The following FGF1 variants were observed in gnomAD, a reference collection of about 807,000 sequenced individuals.
FGF1 encodes beta-endothelial cell growth factor.
A neutral mutation model predicts 13.4 loss-of-function variants in FGF1; 9 were observed. That is an observed-to-expected ratio of 0.67 (90% confidence interval 0.40 to 1.17). The LOEUF is 1.17. FGF1 is among the 50% of genes most tolerant of loss of function. FGF1 has a pLI of 0.01. For synonymous variants in FGF1, 93 were observed against 79.0 expected (o/e 1.18, Z -0.94); for missense variants, 156 against 192.7 (o/e 0.81, Z 1.13).
chr5:142,694,908 G>A (rs1240304488), intron 2 of FGF1, among the ~76,000 whole-genome samples: 1 of 152,118 alleles, frequency 6.6e-6, no homozygotes, highest in Non-Finnish European at 1.5e-5. Context: ...TAGAGGTACT[G>A]GGCACCCAGG....
chr5:142,676,605 AC>A (rs1265749060), intron 1 of FGF1, among the ~76,000 whole-genome samples: 3 of 152,214 alleles, frequency 2.0e-5, no homozygotes, highest in Non-Finnish European at 4.4e-5. Flanking sequence ...ATGCTACCCT[AC>A]CAGAGTGCCA....
intron 1 of FGF1, among the ~76,000 whole-genome samples, chr5:142,625,140 G>A (rs1365396566): frequency 6.6e-6 from 1 of 152,152 alleles, no homozygotes; most frequent in Non-Finnish European, 1.5e-5. Flanking sequence ...GGAGTTTACA[G>A]TCTAGCCACA....
intron 1 of FGF1, among the ~76,000 whole-genome samples, chr5:142,620,310 G>C (rs1761297102): frequency 6.6e-6 from 1 of 152,008 alleles, no homozygotes; most frequent in Non-Finnish European, 1.5e-5. Flanking sequence ...CCCAGCTGCT[G>C]GGGAGGCTGA....
At chr5:142,614,309 C>G (rs1190231359) in intron 1 of FGF1, 148 bp from the exon 2 acceptor site, 1 of 629,622 alleles carries the variant, frequency 1.6e-6, no homozygotes, top group Non-Finnish European at 2.7e-6. Flanking sequence ...GTCCGCGGGC[C>G]TGTGAGGTGG....
At chr5:142,694,503 C>T (rs757118421) in intron 2 of FGF1, among the ~76,000 whole-genome samples, 2 of 152,198 alleles carry the variant, frequency 1.3e-5, no homozygotes, top group Non-Finnish European at 2.9e-5. Context: ...CTGCATCAGC[C>T]GAGTCCAGTG....
At chr5:142,600,397 G>A (rs1475289829) in intron 3 of FGF1, among the ~76,000 whole-genome samples, 1 of 152,000 alleles carries the variant, frequency 6.6e-6, no homozygotes, top group African/African-American at 2.4e-5. Flanking sequence ...TTTTTGGAAT[G>A]AATGAATGAA....
At chr5:142,642,150 T>C (rs1765302271) in intron 1 of FGF1, among the ~76,000 whole-genome samples, 1 of 152,182 alleles carries the variant, frequency 6.6e-6, no homozygotes, top group African/African-American at 2.4e-5. Flanking sequence ...CATCCACCAC[T>C]GTCAGAGAAG....
At chr5:142,687,738 A>G (rs974507934), upstream of FGF1, among the ~76,000 whole-genome samples, 2 of 152,182 alleles carry the variant, frequency 1.3e-5, no homozygotes, top group Non-Finnish European at 2.9e-5. Flanking sequence ...TAAAAATCCT[A>G]AGGACAGAGA....
chr5:142,634,001 G>C (rs1283427068), intron 1 of FGF1, among the ~76,000 whole-genome samples: 2 of 150,494 alleles, frequency 1.3e-5, no homozygotes, highest in Non-Finnish European at 3.0e-5. Flanking sequence ...TGGCTAACAC[G>C]GTGAAACCCT....
chr5:142,622,505 C>A (rs774459719), intron 1 of FGF1, among the ~76,000 whole-genome samples: 3 of 152,140 alleles, frequency 2.0e-5, no homozygotes, highest in Non-Finnish European at 4.4e-5. Flanking sequence ...AGGCTCAAAC[C>A]CTGTCCTCAT....
intron 1 of FGF1, among the ~76,000 whole-genome samples, chr5:142,659,555 A>G (rs1768809427): frequency 6.6e-6 from 1 of 152,150 alleles, no homozygotes; most frequent in African/African-American, 2.4e-5. Context: ...TTTGAAGCAG[A>G]ATGATGAAAG....
chr5:142,615,474 G>A (rs891557504), intron 1 of FGF1, among the ~76,000 whole-genome samples: 9 of 152,162 alleles, frequency 5.9e-5, no homozygotes, highest in African/African-American at 9.7e-5. Flanking sequence ...CGCCTGCCTC[G>A]GCCTCCCAAA....
intron 3 of FGF1, among the ~76,000 whole-genome samples, chr5:142,598,289 A>C (rs1755727023): frequency 6.6e-6 from 1 of 152,198 alleles, no homozygotes; most frequent in South Asian, 2.1e-4. Flanking sequence ...GACACACACA[A>C]AATAGCTGAG....
intron 1 of FGF1, among the ~76,000 whole-genome samples, chr5:142,631,986 A>G (rs772158616): frequency 1.3e-5 from 2 of 152,076 alleles, no homozygotes; most frequent in African/African-American, 2.4e-5. Flanking sequence ...GAGTTTCGCC[A>G]TGTTGGCTGG....
intron 1 of FGF1, among the ~76,000 whole-genome samples, chr5:142,627,399 C>T (rs190308708): frequency 8.5e-5 from 13 of 152,280 alleles, no homozygotes; most frequent in African/African-American, 3.1e-4. Flanking sequence ...ATGTCATCCC[C>T]ATTTCCAAGG....
chr5:142,597,580 A>G (rs2151813922), intron 3 of FGF1, among the ~76,000 whole-genome samples: 1 of 152,344 alleles, frequency 6.6e-6, no homozygotes, highest in South Asian at 2.1e-4. Flanking sequence ...TATATTTATT[A>G]CATTTGGGTC....
intron 2 of FGF1, among the ~76,000 whole-genome samples, chr5:142,696,105 A>G (rs562826126): frequency 6.6e-6 from 1 of 152,322 alleles, no homozygotes; most frequent in Admixed American, 6.5e-5. Flanking sequence ...GCCACAGACA[A>G]GCATCCTGCT....
chr5:142,631,625 G>A (rs1016202150), intron 1 of FGF1, among the ~76,000 whole-genome samples: 1 of 152,070 alleles, frequency 6.6e-6, no homozygotes, highest in Non-Finnish European at 1.5e-5. Context: ...CAAGACCTGG[G>A]GGAACTATTG....
At chr5:142,656,757 A>G (rs1768252471) in intron 1 of FGF1, among the ~76,000 whole-genome samples, 1 of 152,218 alleles carries the variant, frequency 6.6e-6, no homozygotes, top group Non-Finnish European at 1.5e-5. Flanking sequence ...CCTCAGGACA[A>G]TATATCCAGA....
Sources: gnomAD v4.1 joint callset for allele counts (sites outside exome capture counted in the v4.1 genomes callset) on GRCh38, gnomAD v4.1.1 for gene constraint, MANE v1.5 for transcripts, NCBI Gene and HGNC (gene_info 2026-07-23, HGNC 2026-07-21) for gene names.